Variants in NFIA observed in about 807,000 individuals in gnomAD.
NFIA encodes nuclear factor I A.
NFIA carries 8 observed loss-of-function variants against 62.8 expected under a neutral mutation model. That is an observed-to-expected ratio of 0.13 (90% CI 0.07 to 0.23). The LOEUF is 0.23. NFIA is among the 10% of genes least tolerant of loss of function. The pLI, the probability that NFIA is intolerant of heterozygous loss-of-function variation, is 1.00. For synonymous variants in NFIA, 235 were observed against 238.1 expected, an observed-to-expected ratio of 0.99 and a Z score of 0.12; for missense variants, 410 against 642.1, an observed-to-expected ratio of 0.64 and a Z score of 3.91.
chr1:61,262,806 C>CTAT (rs1365674187), intron 2 of NFIA, among the ~76,000 whole-genome samples: 1 of 152,100 alleles, frequency 6.6e-6, no homozygotes, highest in Non-Finnish European at 1.5e-5. Context: ...GAATTATGTG[C>CTAT]TATTTTGGGA....
intron 2 of NFIA, among the ~76,000 whole-genome samples, chr1:61,150,341 G>T (rs993394472): frequency 1.3e-5 from 2 of 152,134 alleles, no homozygotes; most frequent in African/African-American, 4.8e-5. Context: ...TGGGGAGTTA[G>T]TATGATGTGG....
intron 3 of NFIA, among the ~76,000 whole-genome samples, chr1:61,311,351 A>C (rs969187836): frequency 3.9e-5 from 6 of 152,116 alleles, no homozygotes; most frequent in African/African-American, 1.4e-4. Context: ...AGATCGCGAC[A>C]TTGCACTCCA....
At chr1:61,398,501 A>G (rs1283178835) in intron 7 of NFIA, among the ~76,000 whole-genome samples, 2 of 152,240 alleles carry the variant, frequency 1.3e-5, no homozygotes, top group African/African-American at 4.8e-5. Flanking sequence ...CGTGGCATAA[A>G]GTTACTTTGT....
chr1:61,320,196 CACG>C lies in NFIA; in HGVS notation c.626-12313_626-12311del, dbSNP rs781323198. On this transcript the variant is annotated intron_variant, in intron 3 of 10. Coordinates refer to ENST00000403491, the MANE Select transcript of NFIA (RefSeq NM_001134673.4). ...TAAAAGTGTTCCTCCATTGTGCTAA[CACG>C]ACATGGCCTGAACAGTCTAATTCAT... Among the ~76,000 whole-genome samples the C allele has an allele frequency of 3.3e-5, 5 of 151,916 alleles. No individual in the cohort carries two copies. The East Asian group carries it at 5.8e-4, about 18-fold the overall frequency.
chr1:61,213,490 G>C (rs530224021), intron 2 of NFIA, among the ~76,000 whole-genome samples: 4 of 152,078 alleles, frequency 2.6e-5, no homozygotes, highest in Non-Finnish European at 5.9e-5. Flanking sequence ...TTTCCTCTCT[G>C]GCAGATGATA....
intron 3 of NFIA, among the ~76,000 whole-genome samples, chr1:61,330,081 G>T (rs1334218870): frequency 2.6e-5 from 4 of 152,160 alleles, no homozygotes; most frequent in African/African-American, 9.7e-5. Context: ...TTGAAATATG[G>T]AATTCAAAAG....
intron 2 of NFIA, among the ~76,000 whole-genome samples, chr1:61,157,473 T>G (rs1648896439): frequency 6.6e-6 from 1 of 152,226 alleles, no homozygotes; most frequent in African/African-American, 2.4e-5. Context: ...CAGTGATATT[T>G]TATTTATTAA....
At chr1:61,403,271 T>C (rs2100519629) in intron 7 of NFIA, among the ~76,000 whole-genome samples, 1 of 152,342 alleles carries the variant, frequency 6.6e-6, no homozygotes, top group Non-Finnish European at 1.5e-5. Context: ...GTTTTATCAA[T>C]CATCCTTCTA....
intron 6 of NFIA, among the ~76,000 whole-genome samples, chr1:61,379,257 G>A (rs1437105124): frequency 6.6e-6 from 1 of 151,700 alleles, no homozygotes; most frequent in Non-Finnish European, 1.5e-5. Context: ...TTCAAGATAA[G>A]GTCTCTCTCT....
intron 2 of NFIA, among the ~76,000 whole-genome samples, chr1:61,209,385 T>C (rs1653099343): frequency 6.6e-6 from 1 of 152,222 alleles, no homozygotes; most frequent in African/African-American, 2.4e-5. Context: ...TTTATTTATT[T>C]TGTGTTCTTT....
At chr1:61,321,939 CT>C (rs1660700573) in intron 3 of NFIA, among the ~76,000 whole-genome samples, 1 of 152,100 alleles carries the variant, frequency 6.6e-6, no homozygotes, top group African/African-American at 2.4e-5. Context: ...GCTACCCTTC[CT>C]TTATTAACTG....
At chr1:61,176,694 A>G (rs1025080465) in intron 2 of NFIA, among the ~76,000 whole-genome samples, 4 of 152,182 alleles carry the variant, frequency 2.6e-5, no homozygotes, top group African/African-American at 9.7e-5. Flanking sequence ...TTGAAGAACT[A>G]CTATAAAATG....
At chr1:61,375,523 A>G (rs909540932) in intron 6 of NFIA, among the ~76,000 whole-genome samples, 3 of 152,216 alleles carry the variant, frequency 2.0e-5, no homozygotes, top group Admixed American at 6.5e-5. Context: ...GATAAGATAC[A>G]TAAGTAGTAC....
At chr1:61,214,911 A>G (rs1161475304) in intron 2 of NFIA, among the ~76,000 whole-genome samples, 2 of 152,192 alleles carry the variant, frequency 1.3e-5, no homozygotes, top group Admixed American at 6.5e-5. Context: ...TTACCCTTAA[A>G]TGTAACTCCT....
chr1:61,196,958 G>C (rs1479260749), intron 2 of NFIA, among the ~76,000 whole-genome samples: 1 of 151,716 alleles, frequency 6.6e-6, no homozygotes, highest in Non-Finnish European at 1.5e-5. Context: ...CGCGCTGTGT[G>C]TGTGTGATGC....
chr1:61,213,986 T>C (rs1653437597), intron 2 of NFIA, among the ~76,000 whole-genome samples: 1 of 152,184 alleles, frequency 6.6e-6, no homozygotes, highest in South Asian at 2.1e-4. Flanking sequence ...ATTATTGAAC[T>C]GTGTGACTTA....
chr1:61,387,782 A>G (rs942693502), intron 7 of NFIA, among the ~76,000 whole-genome samples: 28 of 152,218 alleles, frequency 1.8e-4, no homozygotes, highest in African/African-American at 6.5e-4. Flanking sequence ...ATAAATGCAC[A>G]CAGGAGACAT....
chr1:61,425,145 A>G (rs547233260), intron 9 of NFIA, among the ~76,000 whole-genome samples: 1 of 152,344 alleles, frequency 6.6e-6, no homozygotes, highest in Non-Finnish European at 1.5e-5. Context: ...CCATGTCCAC[A>G]TCCATGTGAC....
At chr1:61,096,880 A>C (rs914446299) in intron 2 of NFIA, among the ~76,000 whole-genome samples, 1 of 152,116 alleles carries the variant, frequency 6.6e-6, no homozygotes, top group African/African-American at 2.4e-5. Flanking sequence ...ATTTCAGTGC[A>C]AAAACTCAAA....
Sources: gnomAD v4.1 joint callset for allele counts (sites outside exome capture counted in the v4.1 genomes callset) on GRCh38, gnomAD v4.1.1 for gene constraint, MANE v1.5 for transcripts, NCBI Gene and HGNC (gene_info 2026-07-23, HGNC 2026-07-21) for gene names.